SFI1: variants seen among roughly 807,000 people sequenced by gnomAD.
The protein encoded by SFI1 is protein SFI1 homolog.
In SFI1, 195 loss-of-function variants were observed where a neutral mutation model predicts 207.5. The ratio of observed to expected loss-of-function variants is 0.94; its 90% confidence interval spans 0.84 to 1.06. The LOEUF is 1.06. SFI1 is among the 50% of genes least tolerant of loss of function. The pLI, the probability that SFI1 is intolerant of heterozygous loss-of-function variation, is 0.00. For missense variants in SFI1, 1,634 were observed against 1,588.0 expected, an observed-to-expected ratio of 1.03 and a Z score of -0.49; for synonymous variants, 630 against 598.9, an observed-to-expected ratio of 1.05 and a Z score of -0.76.
At chr22:31,546,648 T>A (rs899215754) in intron 4 of SFI1, among the ~76,000 whole-genome samples, 2 of 145,770 alleles carry the variant, frequency 1.4e-5, no homozygotes, top group Admixed American at 6.9e-5. Flanking sequence ...TTTTTTTTTT[T>A]AGTAGAGACG....
At chr22:31,568,226 AT>A (rs373038766) in intron 8 of SFI1, among the ~76,000 whole-genome samples, 2,016 of 111,776 alleles carry the variant, frequency 0.018, 41 homozygotes, top group East Asian at 0.055. Context: ...ATATATATAT[AT>A]TTTTTTTTTT....
intron 5 of SFI1, among the ~76,000 whole-genome samples, chr22:31,549,439 C>A (rs1421419972): frequency 6.6e-6 from 1 of 151,550 alleles, no homozygotes; most frequent in African/African-American, 2.4e-5. Context: ...CCACTGCCTC[C>A]CAGGTTCAAG....
chr22:31,589,211 C>CGT lies in SFI1; in HGVS notation c.1414-213_1414-212dup, dbSNP rs10597618. Among the ~76,000 whole-genome samples, 1,210 of 149,838 alleles carry CGT rather than the reference C, an allele frequency of 8.1e-3. 9 individuals are homozygous for CGT. The highest frequency in any genetic ancestry group is 0.021 in the African/African-American group (864 of 40,848). ...GAGTGAGAGTGTGTGTATGTGTGTG[C>CGT]GTGTGTGTGTGTGTGTGTGTGTGTA... On this transcript the variant is annotated intron_variant, in intron 14 of 32. Transcript: ENST00000400288.
chr22:31,591,281 G>A (rs1603255499), intron 15 of SFI1, among the ~76,000 whole-genome samples: 1 of 152,082 alleles, frequency 6.6e-6, no homozygotes, highest in Admixed American at 6.5e-5. Flanking sequence ...CACAGGGTTG[G>A]GGGTAAGGTC....
intron 12 of SFI1, 21 bp downstream of exon 12, chr22:31,580,385 C>G (rs1192056266): frequency 6.3e-7 from 1 of 1,587,036 alleles, no homozygotes; most frequent in Admixed American, 1.7e-5. Context: ...TCTTCTGTAT[C>G]AAGGGACCTC....
At chr22:31,555,061 G>A (rs2061028049) in intron 6 of SFI1, among the ~76,000 whole-genome samples, 1 of 151,980 alleles carries the variant, frequency 6.6e-6, no homozygotes, top group South Asian at 2.1e-4. Context: ...TTTTTGTTAA[G>A]GTTTGTTCTG....
At chr22:31,526,682 A>T (rs1184923861) in intron 2 of SFI1, among the ~76,000 whole-genome samples, 1 of 151,766 alleles carries the variant, frequency 6.6e-6, no homozygotes, top group East Asian at 1.9e-4. Context: ...CAGCCTCCTG[A>T]GTAGCTGGGA....
intron 7 of SFI1, chr22:31,560,059 T>A (rs956791169): frequency 3.3e-5 from 8 of 242,406 alleles, no homozygotes; most frequent in Admixed American, 2.6e-4. Flanking sequence ...AGGGAATTTG[T>A]GATTCCCTGG....
intron 9 of SFI1, among the ~76,000 whole-genome samples, chr22:31,573,733 C>T (rs1005003128): frequency 1.3e-5 from 2 of 152,148 alleles, no homozygotes; most frequent in African/African-American, 4.8e-5. Flanking sequence ...CCACTGTTTC[C>T]GGCCTCTTCT....
At chr22:31,553,836 A>ATTTTTTT (rs1201513765) in intron 6 of SFI1, among the ~76,000 whole-genome samples, 11 of 21,968 alleles carry the variant, frequency 5.0e-4, no homozygotes, top group African/African-American at 1.2e-3. Flanking sequence ...TTAATGGATT[A>ATTTTTTT]TGTTTTTTTT....
chr22:31,549,340 A>C (rs1400128869), intron 5 of SFI1, among the ~76,000 whole-genome samples: 1 of 145,880 alleles, frequency 6.9e-6, no homozygotes, highest in African/African-American at 2.5e-5. Context: ...TCCAAACATC[A>C]TGGATTTTTT....
At chr22:31,517,716 T>C (rs1025929810) in intron 2 of SFI1, among the ~76,000 whole-genome samples, 1 of 152,182 alleles carries the variant, frequency 6.6e-6, no homozygotes, top group Non-Finnish European at 1.5e-5. Context: ...AAAACTGCTC[T>C]ATAGTGCCAT....
At chr22:31,611,492 A>T (rs1003584852) in intron 23 of SFI1, among the ~76,000 whole-genome samples, 189 bp downstream of exon 23, 2 of 152,202 alleles carry the variant, frequency 1.3e-5, no homozygotes, top group African/African-American at 2.4e-5. Context: ...GAGCCTAGCG[A>T]GTAGCCAGCC....
Position 31,500,183 on chromosome 22 carries a change from CG to C in SFI1, c.-31+3549del, listed in dbSNP as rs545329990. Among the ~76,000 whole-genome samples the C allele has an allele frequency of 2.7e-4, 39 of 142,408 alleles. No individual in the cohort carries two copies. The East Asian group carries it at 8.6e-3, about 31-fold the overall frequency. The allele number at this position is 142,408 out of a possible 152,430, so 93.4% of individuals were successfully genotyped here. A position where few individuals can be genotyped will look rare whatever the true frequency, so the allele number is the denominator to read the frequency against. On this transcript the variant is annotated intron_variant, in intron 1 of 32. Transcript: ENST00000400288. Reference sequence around the variant, plus strand: ...AGAATATAAAAGCCAGTTGTGGTGGCGGGCACCTGTAATCCCCACTATTTGG... The same window carrying C: ...AGAATATAAAAGCCAGTTGTGGTGGCGGCACCTGTAATCCCCACTATTTGG...
rs767327833 is a variant in SFI1 at position 31,613,701 on chromosome 22, G to T, written c.2842G>T (p.Ala948Ser). The change falls in exon 27 of 33, where the codon GCA becomes TCA. Residue 948 changes from alanine (A) to serine (S), a missense_variant. Transcript: ENST00000400288. ...GGKPQPLAAIAPSRKVTFEGP... is the reference protein window; with the variant it reads ...GGKPQPLAAISPSRKVTFEGP... ...GAAGCCTCAGCCCCTGGCAGCCATCGCACCCAGCAGGAAAGTGACGTTTGA... is the reference window on the plus strand; with the variant it reads ...GAAGCCTCAGCCCCTGGCAGCCATCTCACCCAGCAGGAAAGTGACGTTTGA... The T allele has an allele frequency of 1.1e-5, 17 of 1,612,152 alleles. No homozygotes were observed. Among genetic ancestry groups the T allele is most frequent in the Non-Finnish European group, 1.4e-5 (16 of 1,179,400 alleles).
chr22:31,596,975 TTCTAAA>T (rs2067231799), intron 15 of SFI1, among the ~76,000 whole-genome samples: 1 of 116,436 alleles, frequency 8.6e-6, no homozygotes, highest in Non-Finnish European at 1.8e-5. Context: ...CGGTACCCGT[TTCTAAA>T]TGGCTTCAGT....
chr22:31,536,709 G>A (rs1484574717), intron 4 of SFI1, among the ~76,000 whole-genome samples: 1 of 151,972 alleles, frequency 6.6e-6, no homozygotes, highest in Non-Finnish European at 1.5e-5. Context: ...CACCATGCCC[G>A]GCCCTAAAAT....
intron 2 of SFI1, among the ~76,000 whole-genome samples, chr22:31,521,991 CTGGCCTCGAGGGATCCACCTGCCT>C (rs556012897): frequency 6.6e-6 from 1 of 150,648 alleles, no homozygotes; most frequent in South Asian, 2.1e-4. Flanking sequence ...TCTTGACCTC[CTGGCCTCGAGGGATCCACCTGCCT>C]TGGCCTCCCA....
In SFI1 at chr22:31,582,204, TTTTA is replaced by T. The variant is rs1415915174; in HGVS notation, c.1249-1669_1249-1666del. On this transcript the variant is annotated intron_variant, in intron 12 of 32. Transcript: ENST00000400288. Reference sequence around the variant, plus strand: ...CCCCCAACAACACTTCTTTATTACATTTTATATATATATATATATATATATATAT... The same window carrying T: ...CCCCCAACAACACTTCTTTATTACATTATATATATATATATATATATATAT... Among the ~76,000 whole-genome samples the T allele has an allele frequency of 3.3e-3, 53 of 15,998 alleles. 2 individuals carry two copies. Among genetic ancestry groups the T allele is most frequent in the East Asian group, 0.014 (5 of 350 alleles). 10.5% of individuals were successfully genotyped at this position (15,998 alleles called of 152,430 possible).
Sources: gnomAD v4.1 joint callset for allele counts (sites outside exome capture counted in the v4.1 genomes callset) on GRCh38, gnomAD v4.1.1 for gene constraint, MANE v1.5 for transcripts, NCBI Gene and HGNC (gene_info 2026-07-23, HGNC 2026-07-21) for gene names.